OR51B5: variants seen among roughly 807,000 people sequenced by gnomAD.
OR51B5 encodes olfactory receptor family 51 subfamily B member 5, also known as olfactory receptor 51B5.
For synonymous variants in OR51B5, 186 were observed against 144.8 expected (o/e 1.28, Z -2.04); for missense variants, 456 against 374.6 (o/e 1.22, Z -1.79).
intron 1 of OR51B5, among the ~76,000 whole-genome samples, chr11:5,444,875 G>A (rs953632329): frequency 2.0e-5 from 3 of 152,142 alleles, no homozygotes; most frequent in Non-Finnish European, 4.4e-5. Flanking sequence ...ATCTATTAGT[G>A]TGTTAATCCT....
upstream of OR51B5, among the ~76,000 whole-genome samples, chr11:5,345,297 A>C (rs571776705): frequency 6.6e-6 from 1 of 152,358 alleles, no homozygotes; most frequent in South Asian, 2.1e-4. Context: ...GAGATGAGTT[A>C]GAAAGCTATT....
At chr11:5,468,775 G>A (rs778216634) in intron 1 of OR51B5, 3 of 455,744 alleles carry the variant, frequency 6.6e-6, no homozygotes, top group African/African-American at 2.0e-5. Context: ...AGAGGAGGAT[G>A]AGCAGTGAAT....
At chr11:5,358,048 T>A (rs577394008) in intron 1 of OR51B5, among the ~76,000 whole-genome samples, 3 of 151,690 alleles carry the variant, frequency 2.0e-5, no homozygotes, top group Non-Finnish European at 4.4e-5. Context: ...AGGAAAGATC[T>A]AAAATTGACA....
chr11:5,470,338 G>A (rs7106553), intron 1 of OR51B5, among the ~76,000 whole-genome samples: 86,398 of 151,922 alleles, frequency 0.57, 25,248 homozygotes, highest in South Asian at 0.67. Flanking sequence ...AGTTACTATC[G>A]TAGAAAACAA....
At chr11:5,413,201 T>C (rs1365127185) in intron 1 of OR51B5, among the ~76,000 whole-genome samples, 1 of 151,930 alleles carries the variant, frequency 6.6e-6, no homozygotes, top group Non-Finnish European at 1.5e-5. Flanking sequence ...TCAAGCAAAC[T>C]CCAACAGACC....
chr11:5,369,622 C>T (rs1849421370), intron 1 of OR51B5, among the ~76,000 whole-genome samples: 2 of 151,972 alleles, frequency 1.3e-5, no homozygotes, highest in African/African-American at 4.8e-5. Context: ...AAAGTAAAGA[C>T]CTTTTATCCT....
At chr11:5,421,530 CTCTT>C (rs1850337822) in intron 1 of OR51B5, among the ~76,000 whole-genome samples, 1 of 152,214 alleles carries the variant, frequency 6.6e-6, no homozygotes, top group African/African-American at 2.4e-5. Context: ...ACTATTTCCT[CTCTT>C]TCTCTTCTTT....
chr11:5,473,262 G>A (rs1417498853), intron 1 of OR51B5, among the ~76,000 whole-genome samples: 1 of 152,190 alleles, frequency 6.6e-6, no homozygotes, highest in Admixed American at 6.5e-5. Flanking sequence ...GTTGACTCTG[G>A]AGTTTTGGAG....
chr11:5,454,549 G>A, intron 1 of OR51B5: 1 of 777,428 alleles, frequency 1.3e-6, no homozygotes, highest in Non-Finnish European at 2.1e-6. Flanking sequence ...CCAGGAGATG[G>A]TGATGCAAAA....
intron 1 of OR51B5, chr11:5,389,702 C>T: frequency 6.2e-7 from 1 of 1,613,826 alleles, no homozygotes; most frequent in South Asian, 1.1e-5. Flanking sequence ...GTTTAACTCC[C>T]ATAGTATCTA....
intron 1 of OR51B5, among the ~76,000 whole-genome samples, chr11:5,492,132 G>A (rs771805163): frequency 4.6e-5 from 7 of 152,018 alleles, no homozygotes; most frequent in Non-Finnish European, 7.4e-5. Flanking sequence ...GCACTGGTAA[G>A]GCCCTGAAGA....
intron 1 of OR51B5, among the ~76,000 whole-genome samples, chr11:5,367,173 T>G (rs1023978056): frequency 1.3e-5 from 2 of 152,208 alleles, no homozygotes; most frequent in Admixed American, 6.5e-5. Flanking sequence ...TATTTCATTG[T>G]GAACTGGAAT....
At chr11:5,360,906 T>C (rs1849273864) in intron 1 of OR51B5, among the ~76,000 whole-genome samples, 3 of 150,988 alleles carry the variant, frequency 2.0e-5, no homozygotes, top group South Asian at 4.2e-4. Context: ...AACCAAACAC[T>C]GCATGTTCTC....
At chr11:5,356,056 A>G (rs1482078033) in intron 1 of OR51B5, among the ~76,000 whole-genome samples, 1 of 152,060 alleles carries the variant, frequency 6.6e-6, no homozygotes, top group Non-Finnish European at 1.5e-5. Flanking sequence ...GGAAACTCTA[A>G]AAATCAGAGT....
At chr11:5,484,465 A>G (rs1214207907) in intron 1 of OR51B5, among the ~76,000 whole-genome samples, 1 of 152,232 alleles carries the variant, frequency 6.6e-6, no homozygotes, top group African/African-American at 2.4e-5. Flanking sequence ...AGAAGATGGT[A>G]GTGATTCCAG....
At chr11:5,355,846 C>T (rs1849185731) in intron 1 of OR51B5, among the ~76,000 whole-genome samples, 1 of 151,926 alleles carries the variant, frequency 6.6e-6, no homozygotes. Flanking sequence ...GCTCTGATTC[C>T]TGTAGTGACA....
intron 1 of OR51B5, among the ~76,000 whole-genome samples, chr11:5,424,414 G>A (rs1176417450): frequency 2.0e-5 from 3 of 152,132 alleles, no homozygotes; most frequent in Non-Finnish European, 2.9e-5. Context: ...CCTGCTACCA[G>A]GCTTCCCGAC....
intron 1 of OR51B5, among the ~76,000 whole-genome samples, chr11:5,372,250 G>C (rs1297824600): frequency 6.6e-6 from 1 of 152,144 alleles, no homozygotes; most frequent in Non-Finnish European, 1.5e-5. Flanking sequence ...GATAGCTCTA[G>C]AAAATGCGGA....
chr11:5,453,953 C>T (rs1324487070), intron 1 of OR51B5: 4 of 1,614,104 alleles, frequency 2.5e-6, no homozygotes, highest in Non-Finnish European at 2.5e-6. Flanking sequence ...GCTTCATCAC[C>T]CTTTTCCCTC....
Sources: gnomAD v4.1 joint callset for allele counts (sites outside exome capture counted in the v4.1 genomes callset) on GRCh38, gnomAD v4.1.1 for gene constraint, MANE v1.5 for transcripts, NCBI Gene and HGNC (gene_info 2026-07-23, HGNC 2026-07-21) for gene names.